The following AUTS2 variants were observed in gnomAD, a reference collection of about 807,000 sequenced individuals.
The protein encoded by AUTS2 is autism susceptibility gene 2 protein.
Under a neutral mutation model 112.4 loss-of-function variants are expected in AUTS2, and 17 were observed. That is an observed-to-expected ratio of 0.15 (90% CI 0.10 to 0.23). AUTS2 has a LOEUF of 0.23. Among genes scored for constraint, AUTS2 ranks in the 10% least tolerant of loss-of-function variants. The probability of loss-of-function intolerance (pLI) is 1.00; values close to 1 mark genes in which losing one functional copy is unlikely to be tolerated. For missense variants in AUTS2, 1,510 were observed against 1,701.6 expected, an observed-to-expected ratio of 0.89 and a Z score of 1.98; for synonymous variants, 751 against 702.7, an observed-to-expected ratio of 1.07 and a Z score of -1.09.
At chr7:70,072,095 G>A (rs565884505) in intron 2 of AUTS2, among the ~76,000 whole-genome samples, 1 of 152,188 alleles carries the variant, frequency 6.6e-6, no homozygotes, top group African/African-American at 2.4e-5. Context: ...ATGATTTTAC[G>A]GTTACAAATG....
intron 5 of AUTS2, among the ~76,000 whole-genome samples, chr7:70,587,643 A>G (rs1802746183): frequency 6.6e-6 from 1 of 152,238 alleles, no homozygotes; most frequent in Admixed American, 6.5e-5. Context: ...TTGGTGCAGC[A>G]CTTTACATGA....
intron 4 of AUTS2, among the ~76,000 whole-genome samples, chr7:70,214,581 A>G (rs376173824): frequency 6.6e-6 from 1 of 152,226 alleles, no homozygotes; most frequent in East Asian, 1.9e-4. Context: ...CACCCTTTCC[A>G]TTACTGAATG....
chr7:70,063,460 A>T (rs1475940479), intron 2 of AUTS2, among the ~76,000 whole-genome samples: 2 of 152,192 alleles, frequency 1.3e-5, no homozygotes, highest in Admixed American at 1.3e-4. Context: ...GCTTTCTCGT[A>T]TCCTGGCTTG....
intron 1 of AUTS2, among the ~76,000 whole-genome samples, chr7:69,864,300 G>A (rs550164515): frequency 6.6e-6 from 1 of 152,146 alleles, no homozygotes; most frequent in Non-Finnish European, 1.5e-5. Context: ...CCAAGTGAGA[G>A]CAAATCAATT....
chr7:69,919,955 C>G (rs1430307041), intron 2 of AUTS2, among the ~76,000 whole-genome samples: 2 of 151,724 alleles, frequency 1.3e-5, no homozygotes, highest in African/African-American at 4.8e-5. Flanking sequence ...ACTGTAGATA[C>G]CAGTGGGTAC....
intron 5 of AUTS2, among the ~76,000 whole-genome samples, chr7:70,688,061 T>G (rs1808559078): frequency 1.3e-5 from 2 of 152,138 alleles, no homozygotes; most frequent in South Asian, 4.1e-4. Flanking sequence ...TTGACTGCCA[T>G]GAGTAAGAGC....
chr7:69,922,297 G>C (rs564168119), intron 2 of AUTS2, among the ~76,000 whole-genome samples: 2 of 152,208 alleles, frequency 1.3e-5, no homozygotes, highest in Non-Finnish European at 2.9e-5. Context: ...GAGGTTTATT[G>C]GGGCAATAAA....
At chr7:69,719,442 C>T (rs1469626104) in intron 1 of AUTS2, among the ~76,000 whole-genome samples, 1 of 152,110 alleles carries the variant, frequency 6.6e-6, no homozygotes, top group East Asian at 1.9e-4. Context: ...GGGGAATTGT[C>T]ATACAGAAAA....
chr7:69,883,735 G>A (rs1228053134), intron 1 of AUTS2, among the ~76,000 whole-genome samples: 1 of 152,178 alleles, frequency 6.6e-6, no homozygotes, highest in African/African-American at 2.4e-5. Flanking sequence ...ATCTGCTCAT[G>A]CACACACCCT....
intron 5 of AUTS2, among the ~76,000 whole-genome samples, chr7:70,606,165 T>A (rs1358498977): frequency 6.6e-6 from 1 of 152,220 alleles, no homozygotes; most frequent in Non-Finnish European, 1.5e-5. Flanking sequence ...TTTTGGGCGC[T>A]GGATAAGATT....
At chr7:70,424,415 C>T (rs980358229) in intron 4 of AUTS2, among the ~76,000 whole-genome samples, 8 of 152,042 alleles carry the variant, frequency 5.3e-5, no homozygotes, top group African/African-American at 1.4e-4. Context: ...TGAGATGGTA[C>T]GTTATACTGG....
chr7:69,809,130 A>G lies in AUTS2; in HGVS notation c.310-90156A>G, dbSNP rs58713349. Among the ~76,000 whole-genome samples, 1,335 of 151,860 alleles carry G rather than the reference A, an allele frequency of 8.8e-3. 24 individuals carry two copies. Among genetic ancestry groups the G allele is most frequent in the African/African-American group, 0.031 (1,271 of 41,386 alleles). ...CGCTCCGTTGCCCAGGCTGGAGTAC[A>G]GTGGCGCGATCTCGGCTCACTGCAA... On this transcript the variant is annotated intron_variant, in intron 1 of 18. Coordinates refer to ENST00000342771, the MANE Select transcript of AUTS2 (RefSeq NM_015570.4).
chr7:69,892,615 A>G (rs1450671420), intron 1 of AUTS2, among the ~76,000 whole-genome samples: 1 of 152,192 alleles, frequency 6.6e-6, no homozygotes, highest in Non-Finnish European at 1.5e-5. Context: ...CAAAATTTTA[A>G]TTCTTGAAGT....
At chr7:70,526,304 C>G (rs1052400908) in intron 5 of AUTS2, among the ~76,000 whole-genome samples, 31 of 152,210 alleles carry the variant, frequency 2.0e-4, no homozygotes, top group African/African-American at 5.8e-4. Flanking sequence ...CTGCTGACAT[C>G]GTTTATTCTT....
intron 2 of AUTS2, among the ~76,000 whole-genome samples, chr7:69,947,878 A>G (rs1796877458): frequency 6.6e-6 from 1 of 152,224 alleles, no homozygotes; most frequent in African/African-American, 2.4e-5. Flanking sequence ...ATAGGTTAGG[A>G]AACTGAGGCT....
intron 6 of AUTS2, among the ~76,000 whole-genome samples, chr7:70,720,629 A>G (rs916096086): frequency 1.3e-5 from 2 of 152,154 alleles, no homozygotes; most frequent in East Asian, 1.9e-4. Context: ...CATCCTGGCC[A>G]CCAGACTTCT....
intron 2 of AUTS2, among the ~76,000 whole-genome samples, chr7:70,053,544 G>GTTTTATTTTTTTTTTTTTTTTTT (rs1801850922): frequency 7.8e-6 from 1 of 127,848 alleles, no homozygotes; most frequent in Non-Finnish European, 1.6e-5. Flanking sequence ...GTTTTGGGTG[G>GTTTTATTTTTTTTTTTTTTTTTT]TTTTTTTTTT....
intron 4 of AUTS2, among the ~76,000 whole-genome samples, chr7:70,286,239 G>T (rs1420249689): frequency 1.1e-4 from 17 of 152,174 alleles, no homozygotes. Context: ...TGAAGGCCAG[G>T]TGTAGGTTCC....
rs529969025 is a variant in AUTS2, at chr7:70,391,894, T to A, written c.661-43858T>A. Among the ~76,000 whole-genome samples, 16 of 152,200 alleles carry A rather than the reference T, an allele frequency of 1.1e-4. 1 individual carries two copies. The South Asian group carries it at 3.3e-3, about 32-fold the overall frequency. Reference sequence around the variant, plus strand: ...AGCTTGAGTTCTTTTCCAGTATTTATTTTGCTGCCATTCAGAGCTTCCCTA... The same window carrying A: ...AGCTTGAGTTCTTTTCCAGTATTTAATTTGCTGCCATTCAGAGCTTCCCTA... On this transcript the variant is annotated intron_variant, in intron 4 of 18. Transcript: ENST00000342771.
Sources: gnomAD v4.1 joint callset for allele counts (sites outside exome capture counted in the v4.1 genomes callset) on GRCh38, gnomAD v4.1.1 for gene constraint, MANE v1.5 for transcripts, NCBI Gene and HGNC (gene_info 2026-07-23, HGNC 2026-07-21) for gene names.